The following PTHLH variants were observed in gnomAD, a reference collection of about 807,000 sequenced individuals.
The protein encoded by PTHLH is parathyroid hormone-related protein.
Under a neutral mutation model 18.6 loss-of-function variants are expected in PTHLH, and 5 were observed. That is an observed-to-expected ratio of 0.27 (90% CI 0.14 to 0.56). The LOEUF is 0.56. Among genes scored for constraint, PTHLH ranks in the 20% least tolerant of loss-of-function variants. The pLI is 0.92. For missense variants in PTHLH, 207 were observed against 223.9 expected (o/e 0.92, Z 0.48); for synonymous variants, 90 against 94.0 (o/e 0.96, Z 0.25).
rs749960776 is a variant in PTHLH, at chr12:27,970,059, A to G, written c.-57T>C. ...TGGGCTGGTTGCTTCCGGAAAGTTG[A>G]TTCCACACACCCTGAGAACAAGTTT... On this transcript the variant is annotated 5_prime_UTR_variant, in exon 3 of 6. Coordinates refer to ENST00000545234, the MANE Select transcript of PTHLH (RefSeq NM_198965.2). 5.8e-6 allele frequency: 3 copies of G among 518,886 alleles called. No homozygotes were observed. Among genetic ancestry groups the G allele is most frequent in the African/African-American group, 5.8e-5 (3 of 51,954 alleles). 32.1% of individuals were successfully genotyped at this position (518,886 alleles called of 1,614,324 possible). A position where few individuals can be genotyped will look rare whatever the true frequency, so the allele number is the denominator to read the frequency against.
chr12:27,961,307 AT>A (rs2062755659), intron 5 of PTHLH, among the ~76,000 whole-genome samples: 1 of 63,256 alleles, frequency 1.6e-5, no homozygotes, highest in East Asian at 3.5e-4. Flanking sequence ...ATACGTATAT[AT>A]ATATATATAT....
In PTHLH at chr12:27,963,624, T is replaced by C. The variant is rs746747626; in HGVS notation, c.248A>G (p.Lys83Arg). The C allele has an allele frequency of 2.5e-6, 4 of 1,614,048 alleles. No homozygotes were observed. The African/African-American group carries it at 5.3e-5, about 22-fold the overall frequency. The change falls in exon 5 of 6, where the codon AAG becomes AGG. Residue 83 changes from lysine to arginine, a missense_variant. Physicochemically the swap from Lys to Arg is conservative, Grantham distance 26. Coordinates refer to ENST00000545234, the MANE Select transcript of PTHLH (RefSeq NM_198965.2). The part of the protein sequence containing the change: ...RATSEVSPNS[K>R]PSPNTKNHPV... Reference sequence around the variant, plus strand: ...GTGGTTCTTTGTGTTGGGAGAGGGCTTGGAGTTAGGGGACACCTCCGAGGT... The same window carrying C: ...GTGGTTCTTTGTGTTGGGAGAGGGCCTGGAGTTAGGGGACACCTCCGAGGT...
In PTHLH at chr12:27,969,691, A is replaced by AC. The variant is rs745870716; in HGVS notation, c.-22-176dup. ...CCTCTCAGCACTTACTTATTTAGCA[A>AC]CCGGCTACTCCAACTGTGCTTTCTC... On this transcript the variant is annotated intron_variant, in intron 3 of 5. Coordinates refer to ENST00000545234, the MANE Select transcript of PTHLH (RefSeq NM_198965.2). 3.9e-6 allele frequency: 3 copies of AC among 759,902 alleles called. No homozygotes were observed. In the African/African-American group the frequency reaches 5.1e-5, roughly 13 times the overall value. 47.1% of individuals were successfully genotyped at this position (759,902 alleles called of 1,614,324 possible).
chr12:27,971,564 T>C (rs540580847), intron 2 of PTHLH, among the ~76,000 whole-genome samples: 1 of 152,138 alleles, frequency 6.6e-6, no homozygotes, highest in East Asian at 1.9e-4. Context: ...GCTCCACATA[T>C]TTTACCCAGG....
chr12:27,969,591 T>C, intron 3 of PTHLH, 75 bp from the exon 4 acceptor site: 1 of 1,280,026 alleles, frequency 7.8e-7, no homozygotes, highest in Non-Finnish European at 1.1e-6. Context: ...CTCCCCCTTT[T>C]TAGCCCGCTC....
intron 4 of PTHLH, among the ~76,000 whole-genome samples, chr12:27,964,889 T>C (rs1204456353): frequency 6.6e-6 from 1 of 152,220 alleles, no homozygotes; most frequent in East Asian, 1.9e-4. Flanking sequence ...TGTTAATCAG[T>C]CATATCATGC....
At position 27,970,257 on chromosome 12, in the gene PTHLH, C is replaced by T; in HGVS notation, c.-255G>A. On this transcript the variant is annotated 5_prime_UTR_variant, in exon 3 of 6. Coordinates refer to ENST00000545234, the MANE Select transcript of PTHLH (RefSeq NM_198965.2). ...CCGAGCGGAGGAATGTTCACACGCT[C>T]CGAGGCAAACCTGCCGGAGAAGTGA... The T allele has an allele frequency of 2.4e-6, 1 of 423,746 alleles. No individual in the cohort carries two copies. The highest frequency in any genetic ancestry group is 6.1e-5 in the East Asian group (1 of 16,460). The allele number at this position is 423,746 out of a possible 1,614,324, so 26.2% of individuals were successfully genotyped here.
chr12:27,961,548 G>A (rs1565520347), intron 5 of PTHLH: 1 of 159,086 alleles, frequency 6.3e-6, no homozygotes, highest in South Asian at 2.0e-4. Flanking sequence ...AATAGGTTTT[G>A]GCAATAAAGT....
rs2062729969 is a variant in PTHLH at position 27,958,568 on chromosome 12, C to T, written c.525G>A (p.Arg175=). 1 of 1,572,154 alleles carries T rather than the reference C, an allele frequency of 6.4e-7. No individual in the cohort carries two copies. Among genetic ancestry groups the T allele is most frequent in the Non-Finnish European group, 8.6e-7 (1 of 1,157,028 alleles). Residue 175 remains arginine (R), a splice_region_variant and synonymous_variant, in exon 6 of 6, where the codon CGG becomes CGA. Transcript: ENST00000545234. The part of the protein sequence containing the change: ...TSTTSLELDS[R]RH ...GTCTCTGCTGAAAATTTCAATGCCT[C>T]CTGCAAAAAGAAGGAAGAGAAAGAA... is the stretch of plus-strand genomic sequence containing the variant.
chr12:27,972,522 C>G lies in PTHLH; in HGVS notation c.-359+1G>C, dbSNP rs1360906843. The G allele has an allele frequency of 2.0e-5, 3 of 152,180 alleles. No homozygotes were observed. In the East Asian group the frequency reaches 5.8e-4, roughly 29 times the overall value. The allele number at this position is 152,180 out of a possible 1,614,324, so 9.4% of individuals were successfully genotyped here. Reference sequence around the variant, plus strand: ...AGTTCCCTCCTAATTTATTACTTCACCTTTTCCTTGATTTACAATCTTCTC... The same window carrying G: ...AGTTCCCTCCTAATTTATTACTTCAGCTTTTCCTTGATTTACAATCTTCTC... On this transcript the variant is annotated splice_donor_variant, in intron 1 of 5. Transcript: ENST00000545234. LOFTEE classifies it low-confidence loss of function (5UTR_SPLICE).
chr12:27,962,266 A>AT (rs2062769195), intron 5 of PTHLH: 1 of 278,584 alleles, frequency 3.6e-6, no homozygotes, highest in African/African-American at 2.2e-5. Context: ...ATAGATAGAA[A>AT]TAGATTATAG....
At chr12:27,962,113 C>A in intron 5 of PTHLH, 1 of 520,708 alleles carries the variant, frequency 1.9e-6, no homozygotes, top group Non-Finnish European at 3.4e-6. Flanking sequence ...AGCTTTGGGG[C>A]CACCTATTTC....
At chr12:27,968,287 A>G (rs1361715162) in intron 4 of PTHLH, among the ~76,000 whole-genome samples, 2 of 152,236 alleles carry the variant, frequency 1.3e-5, no homozygotes, top group African/African-American at 4.8e-5. Flanking sequence ...CTCTAATAAT[A>G]ATAGACCACA....
chr12:27,961,498 A>G (rs1278685154), intron 5 of PTHLH, among the ~76,000 whole-genome samples: 1 of 150,368 alleles, frequency 6.7e-6, no homozygotes, highest in Non-Finnish European at 1.5e-5. Context: ...ATATATGTTT[A>G]TATATATGAC....
intron 2 of PTHLH, among the ~76,000 whole-genome samples, chr12:27,970,989 G>A (rs1005448642): frequency 1.4e-4 from 22 of 152,120 alleles, no homozygotes; most frequent in African/African-American, 4.8e-4. Context: ...CAGAACTGCT[G>A]GGAGACATCT....
At chr12:27,966,924 A>T (rs578190754) in intron 4 of PTHLH, among the ~76,000 whole-genome samples, 1 of 152,356 alleles carries the variant, frequency 6.6e-6, no homozygotes, top group East Asian at 1.9e-4. Context: ...GTATGCTTGT[A>T]CTGATGCTAG....
intron 4 of PTHLH, among the ~76,000 whole-genome samples, chr12:27,967,388 A>G (rs2062824183): frequency 1.3e-5 from 2 of 152,228 alleles, no homozygotes; most frequent in Non-Finnish European, 2.9e-5. Context: ...ATCTAGTTAA[A>G]AAAAAAATCT....
rs370722895 is a variant in PTHLH at position 27,960,515 on chromosome 12, C to T, written c.525-1947G>A. ...GGTGGATCACCTGAGGTCAGGAGTT[C>T]GAGACCAGCCTGGCCAACATGGCGA... On this transcript the variant is annotated intron_variant, in intron 5 of 5. Transcript: ENST00000545234. Among the ~76,000 whole-genome samples the T allele has an allele frequency of 4.3e-4, 65 of 151,968 alleles. No individual in the cohort carries two copies. In the East Asian group the frequency reaches 8.9e-3, roughly 21 times the overall value.
At chr12:27,969,770 G>T (rs923363108) in intron 3 of PTHLH, 11 of 681,108 alleles carry the variant, frequency 1.6e-5, no homozygotes, top group East Asian at 6.0e-5. Context: ...AATCAGAGGC[G>T]CTTCCTCTGA....
Sources: allele counts gnomAD v4.1 joint callset (sites outside exome capture counted in the v4.1 genomes callset), GRCh38; gene constraint gnomAD v4.1.1; transcripts MANE v1.5; gene names NCBI Gene and HGNC (gene_info 2026-07-23, HGNC 2026-07-21).